The following HACD3 variants were observed in gnomAD, a reference collection of about 807,000 sequenced individuals.
The protein encoded by HACD3 is 3-hydroxyacyl-CoA dehydratase 3.
HACD3 carries 30 observed loss-of-function variants against 55.2 expected under a neutral mutation model. The observed-to-expected ratio is 0.54, with a 90% CI of 0.41 to 0.74. HACD3 has a LOEUF of 0.74. Ranked by LOEUF, HACD3 falls within the 30% of genes least tolerant of loss-of-function variation. The pLI is 0.00. For synonymous variants in HACD3, 141 were observed against 151.7 expected (o/e 0.93, Z 0.52); for missense variants, 363 against 440.1 (o/e 0.82, Z 1.57).
intron 1 of HACD3, chr15:65,550,964 A>G (rs768633162): frequency 4.6e-5 from 7 of 152,242 alleles, no homozygotes; most frequent in Non-Finnish European, 1.0e-4. Flanking sequence ...TCTGGGAATC[A>G]ATGAGCAGTC....
chr15:65,534,476 C>G (rs1567329372), intron 1 of HACD3: 2 of 152,200 alleles, frequency 1.3e-5, no homozygotes, highest in South Asian at 4.1e-4. Context: ...GGGTTACTTT[C>G]AAGATTGAAT....
chr15:65,533,531 T>G (rs1292104600), intron 1 of HACD3, among the ~76,000 whole-genome samples: 1 of 152,102 alleles, frequency 6.6e-6, no homozygotes, highest in Non-Finnish European at 1.5e-5. Flanking sequence ...GAAATGGCCT[T>G]TGTCTCATTT....
chr15:65,559,031 T>C (rs1365039221), intron 5 of HACD3, among the ~76,000 whole-genome samples: 1 of 152,222 alleles, frequency 6.6e-6, no homozygotes, highest in African/African-American at 2.4e-5. Context: ...CTGCAGAGAC[T>C]TGTGGAAATG....
chr15:65,536,770 A>G (rs974606828), intron 1 of HACD3, among the ~76,000 whole-genome samples: 5 of 152,100 alleles, frequency 3.3e-5, no homozygotes, highest in Non-Finnish European at 5.9e-5. Context: ...CAAACAAACA[A>G]GCCCTACAGT....
intron 1 of HACD3, among the ~76,000 whole-genome samples, chr15:65,546,580 CATTAT>C (rs1433187261): frequency 1.3e-5 from 2 of 152,036 alleles, no homozygotes; most frequent in African/African-American, 2.4e-5. Flanking sequence ...TATGAGTTTT[CATTAT>C]ATTATACTAT....
intron 5 of HACD3, among the ~76,000 whole-genome samples, 199 bp from the exon 6 acceptor site, chr15:65,562,575 C>A (rs2072253954): frequency 6.6e-6 from 1 of 151,876 alleles, no homozygotes; most frequent in Non-Finnish European, 1.5e-5. Context: ...AAAATACATG[C>A]TGGAGAGCAA....
intron 2 of HACD3, 200 bp downstream of exon 2, chr15:65,551,918 A>C: frequency 9.5e-6 from 5 of 524,218 alleles, no homozygotes; most frequent in East Asian, 6.6e-5. Flanking sequence ...TGTTTCCCCC[A>C]TGGAGAGGCA....
At chr15:65,551,921 G>C (rs888805405) in intron 2 of HACD3, 3 of 529,676 alleles carry the variant, frequency 5.7e-6, no homozygotes, top group African/African-American at 3.9e-5. Flanking sequence ...TTCCCCCATG[G>C]AGAGGCAGTA....
At chr15:65,534,841 A>T (rs1354366456) in intron 1 of HACD3, among the ~76,000 whole-genome samples, 1 of 152,236 alleles carries the variant, frequency 6.6e-6, no homozygotes, top group Non-Finnish European at 1.5e-5. Context: ...TGGATTTGAA[A>T]GTGCTTTGCA....
At chr15:65,548,047 A>G (rs1334138058) in intron 1 of HACD3, among the ~76,000 whole-genome samples, 3 of 152,186 alleles carry the variant, frequency 2.0e-5, no homozygotes, top group African/African-American at 7.2e-5. Context: ...TTTGACCTGA[A>G]CTTTGAAAGA....
chr15:65,530,694 G>T lies in HACD3; in HGVS notation c.63G>T (p.Leu21=). ...YWAQRHRELY[L]RVELSDVQNP... is the part of the protein sequence containing the mutation. ...CTCAGCGACACCGCGAGCTATATCTGCGCGTGGAGCTGAGTGACGTACAGG... is the reference window on the plus strand; with the variant it reads ...CTCAGCGACACCGCGAGCTATATCTTCGCGTGGAGCTGAGTGACGTACAGG... The change falls in exon 1 of 11, where the codon CTG becomes CTT. Residue 21 remains leucine, a synonymous_variant. Transcript: ENST00000261875. The T allele has an allele frequency of 6.4e-7, 1 of 1,573,714 alleles. No homozygotes were observed. Among genetic ancestry groups the T allele is most frequent in the Non-Finnish European group, 8.6e-7 (1 of 1,160,816 alleles).
intron 1 of HACD3, among the ~76,000 whole-genome samples, chr15:65,550,106 G>T (rs967726495): frequency 2.6e-5 from 4 of 152,314 alleles, no homozygotes; most frequent in African/African-American, 9.6e-5. Context: ...TATGCATCTA[G>T]GCTGGACACA....
rs16948826 is a variant in HACD3, at chr15:65,562,686, G to C, written c.422-88G>C. ...TTAGGAGCATTCAGGAAGGAAAAAG[G>C]GTTGAAGTCATCCAGATATGCCTCA... On this transcript the variant is annotated intron_variant, in intron 5 of 10. Coordinates refer to ENST00000261875, the MANE Select transcript of HACD3 (RefSeq NM_016395.4). 3,693 of 1,511,956 alleles carry C rather than the reference G, an allele frequency of 2.4e-3. 83 individuals are homozygous for C. The African/African-American group carries it at 0.043, about 18-fold the overall frequency. 93.7% of individuals were successfully genotyped at this position (1,511,956 alleles called of 1,614,324 possible).
rs1451058441 is a variant in HACD3 at position 65,576,124 on chromosome 15, A to T, written c.1013-179A>T. On this transcript the variant is annotated intron_variant, in intron 10 of 10. Coordinates refer to ENST00000261875, the MANE Select transcript of HACD3 (RefSeq NM_016395.4). The stretch of plus-strand genomic sequence containing the variant: ...ATAAATAAATAAACCCACTGGGGAA[A>T]AATTGCTTTGTGTCTATTGTATTGT... Among the ~76,000 whole-genome samples the T allele has an allele frequency of 2.0e-5, 3 of 152,166 alleles. No individual in the cohort carries two copies. In the East Asian group the frequency reaches 5.8e-4, roughly 29 times the overall value.
At chr15:65,549,272 A>G (rs1291097272) in intron 1 of HACD3, among the ~76,000 whole-genome samples, 2 of 152,066 alleles carry the variant, frequency 1.3e-5, no homozygotes, top group Admixed American at 6.6e-5. Context: ...TGACAGCCCA[A>G]CAGGGCGCAG....
chr15:65,550,535 G>A (rs1374389047), intron 1 of HACD3, among the ~76,000 whole-genome samples: 1 of 152,220 alleles, frequency 6.6e-6, no homozygotes, highest in Non-Finnish European at 1.5e-5. Flanking sequence ...AGGGAAACTT[G>A]CAGGTCTAAA....
chr15:65,538,244 T>C (rs2437055), intron 1 of HACD3, among the ~76,000 whole-genome samples: 142,894 of 152,078 alleles, frequency 0.94, 67,138 homozygotes, highest in Admixed American at 0.96. Context: ...AATTGAAAAC[T>C]TTCTGGAAAG....
intron 6 of HACD3, 43 bp from the exon 7 acceptor site, chr15:65,564,172 A>C (rs377440254): frequency 6.3e-7 from 1 of 1,594,000 alleles, no homozygotes. Context: ...TTCTGTTGGA[A>C]TTTACCAACT....
At chr15:65,576,204 T>C in intron 10 of HACD3, 99 bp from the exon 11 acceptor site, 1 of 1,502,792 alleles carries the variant, frequency 6.7e-7, no homozygotes, top group South Asian at 1.3e-5. Flanking sequence ...CTTTTTGCTG[T>C]GGAATATGAC....
Sources: gnomAD v4.1 joint callset for allele counts (sites outside exome capture counted in the v4.1 genomes callset) on GRCh38, gnomAD v4.1.1 for gene constraint, MANE v1.5 for transcripts, NCBI Gene and HGNC (gene_info 2026-07-23, HGNC 2026-07-21) for gene names.